Variants in ARHGAP44 observed in about 807,000 individuals in gnomAD.
ARHGAP44 encodes rho GTPase-activating protein 44.
In ARHGAP44, 43 loss-of-function variants were observed where a neutral mutation model predicts 106.8. The ratio of observed to expected loss-of-function variants is 0.40; its 90% CI spans 0.32 to 0.52. The LOEUF is 0.52. Among genes scored for constraint, ARHGAP44 ranks in the 20% least tolerant of loss-of-function variants. The probability of loss-of-function intolerance (pLI) is 0.48; values close to 1 mark genes in which losing one functional copy is unlikely to be tolerated. For missense variants in ARHGAP44, 866 were observed against 1,050.5 expected (o/e 0.82, Z 2.43); for synonymous variants, 439 against 410.3 (o/e 1.07, Z -0.85).
At chr17:12,841,610 A>T (rs1326809921) in intron 1 of ARHGAP44, among the ~76,000 whole-genome samples, 15 of 141,888 alleles carry the variant, frequency 1.1e-4, no homozygotes, top group Admixed American at 4.9e-4. Context: ...ACACACACAC[A>T]CACACACACA....
chr17:12,923,447 C>G (rs1358640965), intron 6 of ARHGAP44, among the ~76,000 whole-genome samples: 1 of 152,084 alleles, frequency 6.6e-6, no homozygotes, highest in Non-Finnish European at 1.5e-5. Context: ...AACTCCTGAC[C>G]TCAGGTAGAT....
intron 16 of ARHGAP44, among the ~76,000 whole-genome samples, chr17:12,971,069 G>A (rs2039516853): frequency 6.6e-6 from 1 of 152,208 alleles, no homozygotes; most frequent in Non-Finnish European, 1.5e-5. Flanking sequence ...TCCCTCTTAT[G>A]AGAAAGTCAT....
intron 7 of ARHGAP44, among the ~76,000 whole-genome samples, chr17:12,931,269 G>A (rs1415702603): frequency 4.6e-5 from 7 of 151,408 alleles, no homozygotes; most frequent in Non-Finnish European, 8.8e-5. Context: ...ACAGGGTTTC[G>A]CCGTGTTGGC....
intron 1 of ARHGAP44, among the ~76,000 whole-genome samples, chr17:12,882,925 ACTT>A (rs1489544460): frequency 1.3e-5 from 2 of 151,966 alleles, no homozygotes; most frequent in Middle Eastern, 3.4e-3. Context: ...GCACTGTGTT[ACTT>A]CTTTTTCTAT....
chr17:12,862,374 C>A (rs577387637), intron 1 of ARHGAP44, among the ~76,000 whole-genome samples: 1 of 152,278 alleles, frequency 6.6e-6, no homozygotes, highest in African/African-American at 2.4e-5. Flanking sequence ...CAATTGACTG[C>A]CACCATCATT....
rs1261639254 is a variant in ARHGAP44, at chr17:12,974,185, C to T, written c.1638C>T (p.Pro546=). 3.2e-6 allele frequency: 5 copies of T among 1,549,024 alleles called. No individual in the cohort carries two copies. Among genetic ancestry groups the T allele is most frequent in the South Asian group, 2.4e-5 (2 of 83,984 alleles). The stretch of plus-strand genomic sequence containing the variant: ...GCGCCCCGCCCTCCATGCAGCCTCC[C>T]GCCCCGCCCGCCGAGCTGGCTGCGC... The part of the protein sequence containing the change: ...VSCAPPSMQP[P]APPAELAAPL... The change falls in exon 18 of 21, where the codon CCC becomes CCT. Residue 546 remains proline (P), a synonymous_variant. Coordinates refer to ENST00000379672, the MANE Select transcript of ARHGAP44 (RefSeq NM_014859.6).
chr17:12,978,351 A>T (rs558713866), intron 18 of ARHGAP44, among the ~76,000 whole-genome samples: 1 of 149,674 alleles, frequency 6.7e-6, no homozygotes, highest in East Asian at 2.1e-4. Flanking sequence ...TCATGAACAG[A>T]ATAGAGAAAG....
intron 1 of ARHGAP44, among the ~76,000 whole-genome samples, chr17:12,862,673 G>A (rs1037378029): frequency 2.0e-5 from 3 of 152,204 alleles, no homozygotes; most frequent in East Asian, 1.9e-4. Flanking sequence ...ATACTTGCAC[G>A]GGATGGCTGA....
intron 6 of ARHGAP44, among the ~76,000 whole-genome samples, chr17:12,921,873 A>C (rs1013846292): frequency 7.9e-5 from 12 of 152,174 alleles, no homozygotes; most frequent in Non-Finnish European, 1.8e-4. Context: ...TTGCACTGGA[A>C]TTCTGCATCA....
chr17:12,944,435 T>C (rs901708849), intron 10 of ARHGAP44, among the ~76,000 whole-genome samples: 3 of 152,104 alleles, frequency 2.0e-5, no homozygotes, highest in African/African-American at 4.8e-5. Context: ...GGCCATATTC[T>C]AGTCATTCTT....
chr17:12,873,415 G>C (rs1293364283), intron 1 of ARHGAP44, among the ~76,000 whole-genome samples: 1 of 152,140 alleles, frequency 6.6e-6, no homozygotes, highest in Non-Finnish European at 1.5e-5. Flanking sequence ...ACAGCTTAGT[G>C]TTATATGAAG....
chr17:12,962,583 G>A (rs2039289552), intron 16 of ARHGAP44, among the ~76,000 whole-genome samples: 1 of 152,160 alleles, frequency 6.6e-6, no homozygotes, highest in Admixed American at 6.5e-5. Context: ...GAGGCAGAGA[G>A]AGATTTTACT....
intron 6 of ARHGAP44, among the ~76,000 whole-genome samples, chr17:12,922,750 C>CA (rs34423068): frequency 0.47 from 71,833 of 151,858 alleles, 18,315 homozygotes; most frequent in Non-Finnish European, 0.57. Context: ...AGGCACCTGC[C>CA]ATCACACTCA....
intron 16 of ARHGAP44, among the ~76,000 whole-genome samples, chr17:12,969,936 G>A (rs891465329): frequency 2.6e-5 from 4 of 152,262 alleles, no homozygotes; most frequent in Middle Eastern, 3.4e-3. Context: ...GGCCTGGGTC[G>A]TTCTAGAACC....
In ARHGAP44 at chr17:12,902,598, G is replaced by A. The variant is rs116875131; in HGVS notation, c.198+6087G>A. ...TACAAGTAGATGTGTGTCATGAATG[G>A]ATGGTCTGTGAATATTTTAGGCACA... On this transcript the variant is annotated intron_variant, in intron 3 of 20. Coordinates refer to ENST00000379672, the MANE Select transcript of ARHGAP44 (RefSeq NM_014859.6). Among the ~76,000 whole-genome samples, 37 of 152,274 alleles carry A rather than the reference G, an allele frequency of 2.4e-4. No individual in the cohort carries two copies. The East Asian group carries it at 4.9e-3, about 20-fold the overall frequency.
intron 1 of ARHGAP44, among the ~76,000 whole-genome samples, chr17:12,854,669 A>G (rs1597945907): frequency 6.6e-6 from 1 of 152,162 alleles, no homozygotes; most frequent in South Asian, 2.1e-4. Flanking sequence ...AAAAAGAAAC[A>G]GTGTCTTGGC....
At chr17:12,954,056 T>A (rs1234362091) in intron 13 of ARHGAP44, among the ~76,000 whole-genome samples, 5 of 138,954 alleles carry the variant, frequency 3.6e-5, no homozygotes, top group Non-Finnish European at 7.7e-5. Context: ...CCTGGCTAAT[T>A]TTTGTGTTTT....
chr17:12,871,915 A>G (rs537520780), intron 1 of ARHGAP44, among the ~76,000 whole-genome samples: 94 of 152,312 alleles, frequency 6.2e-4, no homozygotes, highest in African/African-American at 2.1e-3. Context: ...TGCTTCCTCT[A>G]TAACCTGCAG....
At chr17:12,910,626 A>T (rs952555386) in intron 4 of ARHGAP44, among the ~76,000 whole-genome samples, 4 of 151,846 alleles carry the variant, frequency 2.6e-5, no homozygotes, top group Non-Finnish European at 5.9e-5. Context: ...TTGTATATTT[A>T]GTAGAGACAG....
Sources: gnomAD v4.1 joint callset for allele counts (sites outside exome capture counted in the v4.1 genomes callset) on GRCh38, gnomAD v4.1.1 for gene constraint, MANE v1.5 for transcripts, NCBI Gene and HGNC (gene_info 2026-07-23, HGNC 2026-07-21) for gene names.